Variants in PTPRE observed in about 807,000 individuals in gnomAD.
PTPRE encodes the protein receptor-type tyrosine-protein phosphatase epsilon.
PTPRE carries 51 observed loss-of-function variants against 102.0 expected under a neutral mutation model. The ratio of observed to expected loss-of-function variants is 0.50; its 90% CI spans 0.40 to 0.63. The LOEUF (loss-of-function observed/expected upper bound fraction) is 0.63. Ranked by LOEUF, PTPRE falls within the 30% of genes least tolerant of loss-of-function variation. PTPRE has a pLI of 0.00. For missense variants in PTPRE, 752 were observed against 915.1 expected, an observed-to-expected ratio of 0.82 and a Z score of 2.30; for synonymous variants, 345 against 348.2, an observed-to-expected ratio of 0.99 and a Z score of 0.10.
chr10:127,967,504 A>G (rs1281599079), intron 1 of PTPRE, among the ~76,000 whole-genome samples: 1 of 152,222 alleles, frequency 6.6e-6, no homozygotes, highest in African/African-American at 2.4e-5. Flanking sequence ...ATATAAAGAT[A>G]TGCTTTTGCT....
chr10:128,022,703 G>A (rs56090210), intron 2 of PTPRE, among the ~76,000 whole-genome samples: 8 of 152,342 alleles, frequency 5.3e-5, no homozygotes, highest in Admixed American at 2.6e-4. Flanking sequence ...GGCACACAGC[G>A]CAGTGGATGG....
In PTPRE at chr10:128,063,119, T is replaced by TG; in HGVS notation, c.664dup (p.Val222GlyfsTer115). On this transcript the variant is annotated frameshift_variant, in exon 10 of 21. Transcript: ENST00000254667. LOFTEE classifies it high-confidence loss of function. ...GAAACGGTTAACGACTTCTGGAGAA[T>TG]GGTCTGGGAGCAAAAGTCTGCGACC... The TG allele has an allele frequency of 1.9e-6, 3 of 1,614,184 alleles. No individual in the cohort carries two copies. In the African/African-American group the frequency reaches 4.0e-5, roughly 22 times the overall value.
At chr10:128,050,607 G>A (rs1365114348) in intron 6 of PTPRE, among the ~76,000 whole-genome samples, 1 of 152,218 alleles carries the variant, frequency 6.6e-6, no homozygotes. Context: ...CTTGCATGTG[G>A]CTGTGCTAAG....
At chr10:127,975,372 T>G (rs575656667) in intron 1 of PTPRE, among the ~76,000 whole-genome samples, 1 of 152,356 alleles carries the variant, frequency 6.6e-6, no homozygotes, top group African/African-American at 2.4e-5. Flanking sequence ...TTTCCCTTAT[T>G]CGTGAATAAT....
intron 2 of PTPRE, among the ~76,000 whole-genome samples, chr10:128,023,256 A>G (rs930364369): frequency 6.6e-6 from 1 of 152,188 alleles, no homozygotes; most frequent in Non-Finnish European, 1.5e-5. Flanking sequence ...AAAGCATAGT[A>G]TATATACATT....
chr10:127,950,945 A>C (rs1365049867), intron 1 of PTPRE, among the ~76,000 whole-genome samples: 1 of 151,996 alleles, frequency 6.6e-6, no homozygotes, highest in Non-Finnish European at 1.5e-5. Flanking sequence ...AAATACAAAA[A>C]AATTAGCCGG....
chr10:127,979,741 T>G (rs920064482), intron 1 of PTPRE, among the ~76,000 whole-genome samples: 1 of 152,230 alleles, frequency 6.6e-6, no homozygotes, highest in Admixed American at 6.5e-5. Context: ...GGGTTGTCAA[T>G]CGTGCAACCA....
At chr10:128,003,363 A>G (rs1305275556) in intron 2 of PTPRE, among the ~76,000 whole-genome samples, 1 of 152,184 alleles carries the variant, frequency 6.6e-6, no homozygotes, top group African/African-American at 2.4e-5. Flanking sequence ...AGTCAGCTGT[A>G]CTTTGGGAAA....
chr10:128,074,123 G>T (rs933757866), intron 17 of PTPRE, among the ~76,000 whole-genome samples: 1 of 152,118 alleles, frequency 6.6e-6, no homozygotes, highest in Non-Finnish European at 1.5e-5. Flanking sequence ...CCACTAATCT[G>T]CTTCCTGACT....
At chr10:127,935,261 C>T (rs914069324) in intron 1 of PTPRE, among the ~76,000 whole-genome samples, 4 of 152,168 alleles carry the variant, frequency 2.6e-5, no homozygotes, top group Non-Finnish European at 5.9e-5. Context: ...GCAAACGTGG[C>T]CTTTGCTGGC....
intron 7 of PTPRE, 151 bp downstream of exon 7, chr10:128,056,364 C>T (rs1276720027): frequency 4.6e-6 from 3 of 647,936 alleles, no homozygotes; most frequent in Non-Finnish European, 8.1e-6. Context: ...GACTCCAGAA[C>T]GTTCCTCTTT....
Position 127,931,560 on chromosome 10 carries a change from A to T in PTPRE, c.-31+24251A>T, listed in dbSNP as rs114113316. Among the ~76,000 whole-genome samples the T allele has an allele frequency of 4.2e-3, 634 of 152,350 alleles. 3 individuals carry two copies. Among genetic ancestry groups the T allele is most frequent in the African/African-American group, 0.014 (600 of 41,578 alleles). On this transcript the variant is annotated intron_variant, in intron 1 of 20. Transcript: ENST00000254667. ...TATGAAGAGGGATTTCCAAATGCCA[A>T]GTGTGGGCATTCCTATGCCCCCTTC...
intron 2 of PTPRE, among the ~76,000 whole-genome samples, chr10:128,005,329 A>T (rs1236246343): frequency 1.3e-5 from 2 of 152,164 alleles, no homozygotes; most frequent in South Asian, 2.1e-4. Context: ...ACCCTTCCGT[A>T]TACCCAGAGA....
At position 128,085,449 on chromosome 10, in the gene PTPRE, T is replaced by C. The variant is rs1852020318; in HGVS notation, c.*2543T>C. On this transcript the variant is annotated 3_prime_UTR_variant, in exon 21 of 21. Coordinates refer to ENST00000254667, the MANE Select transcript of PTPRE (RefSeq NM_006504.6). ...GACGACCATTCTGATCTGTGTGTGA[T>C]CTGGTCACTATGTGACTGCCTTTAC... 1 of 175,794 alleles carries C rather than the reference T, an allele frequency of 5.7e-6. No homozygotes were observed. Among genetic ancestry groups the C allele is most frequent in the Admixed American group, 5.9e-5 (1 of 16,884 alleles). The allele number at this position is 175,794 out of a possible 1,614,324, so 10.9% of individuals were successfully genotyped here. A position where few individuals can be genotyped will look rare whatever the true frequency, so the allele number is the denominator to read the frequency against.
rs1164240433 is a variant in PTPRE at position 128,082,961 on chromosome 10, T to G, written c.*55T>G. 4 of 1,418,280 alleles carry G rather than the reference T, an allele frequency of 2.8e-6. No individual in the cohort carries two copies. The highest frequency in any genetic ancestry group is 1.5e-5 in the African/African-American group (1 of 66,824). 87.9% of individuals were successfully genotyped at this position (1,418,280 alleles called of 1,614,324 possible). On this transcript the variant is annotated 3_prime_UTR_variant, in exon 21 of 21. Transcript: ENST00000254667. Reference sequence around the variant, plus strand: ...TAATGGTCAGTATATTTTGTAAAAATCATGTTAATTTATTTCATAGTTGAC... The same window carrying G: ...TAATGGTCAGTATATTTTGTAAAAAGCATGTTAATTTATTTCATAGTTGAC...
intron 2 of PTPRE, among the ~76,000 whole-genome samples, chr10:128,030,204 C>T (rs760705909): frequency 2.0e-5 from 3 of 152,236 alleles, no homozygotes; most frequent in Admixed American, 6.5e-5. Flanking sequence ...TGCAGTTTCC[C>T]GCAGCATGGC....
At chr10:127,980,103 T>C (rs1851490131) in intron 1 of PTPRE, among the ~76,000 whole-genome samples, 1 of 152,176 alleles carries the variant, frequency 6.6e-6, no homozygotes. Flanking sequence ...TTCCCCTATC[T>C]GCAGTGATCC....
Position 127,907,338 on chromosome 10 carries a change from C to A in PTPRE, c.-31+29C>A. The A allele has an allele frequency of 1.0e-6, 1 of 984,342 alleles. No individual in the cohort carries two copies. The highest frequency in any genetic ancestry group is 1.2e-6 in the Non-Finnish European group (1 of 829,500). 61.0% of individuals were successfully genotyped at this position (984,342 alleles called of 1,614,324 possible). ...AGCGCGCGTGCGGACAGGGACCCTG[C>A]GCCCCTGTGGGGAACTGTGCACCCC... is the stretch of plus-strand genomic sequence containing the variant. On this transcript the variant is annotated intron_variant, in intron 1 of 20. Transcript: ENST00000254667. The surrounding 1 kb of genome is among the most constrained non-coding windows in gnomAD (Gnocchi z 4.8).
intron 16 of PTPRE, 117 bp from the exon 17 acceptor site, chr10:128,073,220 C>A: frequency 7.0e-7 from 1 of 1,418,530 alleles, no homozygotes; most frequent in Non-Finnish European, 9.6e-7. Context: ...TGGTGCAGAC[C>A]ATGGAGGATG....
Sources: allele counts gnomAD v4.1 joint callset (sites outside exome capture counted in the v4.1 genomes callset), GRCh38; gene constraint gnomAD v4.1.1; non-coding constraint Gnocchi (gnomAD v3.1); transcripts MANE v1.5; gene names NCBI Gene and HGNC (gene_info 2026-07-23, HGNC 2026-07-21).